CPLANE1: variants seen among roughly 807,000 people sequenced by gnomAD.
The protein encoded by CPLANE1 is ciliogenesis and planar polarity effector 1.
In CPLANE1, 263 loss-of-function variants were observed where a neutral mutation model predicts 362.5. That is an observed-to-expected ratio of 0.73 (90% CI 0.66 to 0.80). CPLANE1 has a LOEUF of 0.80. Ranked by LOEUF, CPLANE1 falls within the 30% of genes least tolerant of loss-of-function variation. CPLANE1 has a pLI of 0.00. For synonymous variants in CPLANE1, 1,212 were observed against 1,302.6 expected (o/e 0.93, Z 1.50); for missense variants, 3,461 against 3,793.4 (o/e 0.91, Z 2.30).
intron 19 of CPLANE1, 133 bp from the exon 20 acceptor site, chr5:37,198,999 A>AATTC: frequency 1.3e-6 from 1 of 757,808 alleles, no homozygotes; most frequent in Non-Finnish European, 2.1e-6. Context: ...TGGAAGGCTG[A>AATTC]AGCAGGAGGA....
At chr5:37,147,777 AC>A (rs1772118312) in intron 43 of CPLANE1, among the ~76,000 whole-genome samples, 1 of 151,920 alleles carries the variant, frequency 6.6e-6, no homozygotes, top group Non-Finnish European at 1.5e-5. Flanking sequence ...TTAATACCTC[AC>A]CACTGCCTGG....
chr5:37,182,221 G>T lies in CPLANE1; in HGVS notation c.5421+539C>A, dbSNP rs571672645. On this transcript the variant is annotated intron_variant, in intron 26 of 52. Transcript: ENST00000651892. ...TACACACACACACTCACATCCTTCA[G>T]CCTAGAATAAACTACTTCAGAATAA... Among the ~76,000 whole-genome samples, 12 of 151,992 alleles carry T rather than the reference G, an allele frequency of 7.9e-5. No individual in the cohort carries two copies. The East Asian group carries it at 2.3e-3, about 29-fold the overall frequency.
At chr5:37,190,025 A>T (rs543694352) in intron 21 of CPLANE1, among the ~76,000 whole-genome samples, 1 of 151,958 alleles carries the variant, frequency 6.6e-6, no homozygotes, top group East Asian at 1.9e-4. Flanking sequence ...AGAAAAGAAG[A>T]GTGCATTGCA....
At chr5:37,229,840 C>G (rs1222642509) in intron 9 of CPLANE1, among the ~76,000 whole-genome samples, 2 of 152,034 alleles carry the variant, frequency 1.3e-5, no homozygotes, top group Non-Finnish European at 2.9e-5. Context: ...GAAACTGAGG[C>G]TTAAAGAATA....
At chr5:37,206,138 G>C in intron 17 of CPLANE1, 59 bp downstream of exon 17, 1 of 1,110,258 alleles carries the variant, frequency 9.0e-7, no homozygotes, top group Non-Finnish European at 1.3e-6. Flanking sequence ...AGCAATAAGA[G>C]AAATATAAAA....
chr5:37,224,928 A>G (rs1796116059), intron 12 of CPLANE1, among the ~76,000 whole-genome samples, 188 bp from the exon 13 acceptor site: 1 of 149,604 alleles, frequency 6.7e-6, no homozygotes, highest in Non-Finnish European at 1.5e-5. Flanking sequence ...CTTCATAAAT[A>G]TTTTAAGCAC....
chr5:37,169,961 A>T, intron 33 of CPLANE1, 80 bp downstream of exon 33: 1 of 1,384,358 alleles, frequency 7.2e-7, no homozygotes, highest in Non-Finnish European at 1.0e-6. Context: ...TCCCAACCTC[A>T]GGTGTGGCCT....
At position 37,226,567 on chromosome 5, in the gene CPLANE1, T is replaced by C; in HGVS notation, c.2028A>G (p.Gln676=). 1.3e-6 allele frequency: 2 copies of C among 1,549,850 alleles called. No homozygotes were observed. Among genetic ancestry groups the C allele is most frequent in the African/African-American group, 1.4e-5 (1 of 73,112 alleles). Residue 676 remains glutamine (Q), a synonymous_variant, in exon 12 of 53, where the codon CAA becomes CAG. Transcript: ENST00000651892. Reference sequence around the variant, plus strand: ...GTTTCTCTGAGAATAACTGACCCTTTTGTTGCTGAGTCAGCAAAAGTTTTA... The same window carrying C: ...GTTTCTCTGAGAATAACTGACCCTTCTGTTGCTGAGTCAGCAAAAGTTTTA... ...NTVKLLLTQQ[Q]KGQLFSEKLL... is the part of the protein sequence containing the mutation.
chr5:37,133,907 G>A lies in CPLANE1; in HGVS notation c.8792+4813C>T, dbSNP rs189313757. On this transcript the variant is annotated intron_variant, in intron 46 of 52. Transcript: ENST00000651892. Reference sequence around the variant, plus strand: ...CCCGTTCAGTAAGATGTTGGCTGTGGGTTTGTCATAAATGGCTATTAATCA... The same window carrying A: ...CCCGTTCAGTAAGATGTTGGCTGTGAGTTTGTCATAAATGGCTATTAATCA... 5.5e-4 allele frequency among the ~76,000 whole-genome samples: 83 copies of A among 151,920 alleles called. 1 individual carries two copies. The highest frequency in any genetic ancestry group is 7.9e-4 in the Admixed American group (12 of 15,254).
chr5:37,103,728 A>G (rs1757408242), downstream of CPLANE1, among the ~76,000 whole-genome samples: 1 of 152,142 alleles, frequency 6.6e-6, no homozygotes, highest in Non-Finnish European at 1.5e-5. Flanking sequence ...GTTTCCACTG[A>G]GAGATATGAT....
intron 8 of CPLANE1, among the ~76,000 whole-genome samples, chr5:37,235,157 T>C (rs929488564): frequency 1.3e-5 from 2 of 152,138 alleles, no homozygotes; most frequent in Non-Finnish European, 2.9e-5. Flanking sequence ...AAGATGAATA[T>C]ACAGAAATCA....
chr5:37,119,843 C>T (rs1306919805), intron 50 of CPLANE1, among the ~76,000 whole-genome samples: 3 of 151,392 alleles, frequency 2.0e-5, no homozygotes, highest in Admixed American at 1.3e-4. Context: ...AAAAATTAGC[C>T]GGGCGTGGTG....
rs1163835747 is a variant in CPLANE1, at chr5:37,247,623, C to T, written c.76G>A (p.Gly26Arg). The change falls in exon 2 of 53, where the codon GGA (glycine) becomes AGA (arginine). Residue 26 changes from glycine (G) to arginine (R), a missense_variant. Transcript: ENST00000651892. ...ATGAATAAAGAAAAACCTACCTTTC[C>T]CAACCAGGAGACACGTGGCCATGGT... ...KKPWPRVSWL[G>R]KEKEAVFLLD... 2 of 1,550,064 alleles carry T rather than the reference C, an allele frequency of 1.3e-6. No individual in the cohort carries two copies. Among genetic ancestry groups the T allele is most frequent in the Non-Finnish European group, 8.7e-7 (1 of 1,146,222 alleles).
chr5:37,164,168 A>C (rs372206925), intron 37 of CPLANE1, 105 bp downstream of exon 37: 47 of 850,252 alleles, frequency 5.5e-5, no homozygotes, highest in South Asian at 2.6e-4. Flanking sequence ...ATTTGTAGTC[A>C]GCTGGGCAGA....
intron 20 of CPLANE1, among the ~76,000 whole-genome samples, chr5:37,197,155 A>T (rs1049182858): frequency 3.9e-5 from 6 of 152,144 alleles, no homozygotes; most frequent in African/African-American, 1.4e-4. Flanking sequence ...GAGCTTCTAC[A>T]GATAACAGGC....
rs1031936662 is a variant in CPLANE1, at chr5:37,235,349, T to C, written c.938+3508A>G. ...ATTATAAAACGCTGATAAGAGAAAT[T>C]GTAGATGACATAAACAAATGGAAAA... On this transcript the variant is annotated intron_variant, in intron 8 of 52. Coordinates refer to ENST00000651892, the MANE Select transcript of CPLANE1 (RefSeq NM_001384732.1). 5.3e-5 allele frequency among the ~76,000 whole-genome samples: 8 copies of C among 152,180 alleles called. No individual in the cohort carries two copies. In the East Asian group the frequency reaches 1.5e-3, roughly 29 times the overall value.
In CPLANE1 at chr5:37,107,604, A is replaced by G. The variant is rs1267447258; in HGVS notation, c.9754T>C (p.Ter3252GlnextTer22). ...GLSVHWALDL[*>Q] is the part of the protein sequence containing the mutation. ...GGAAACCCAATGATATCCAGGTCTT[A>G]CAGGTCCAGGGCCCAGTGGACAGAC... is the stretch of plus-strand genomic sequence containing the variant. Residue 3252 changes from the stop codon to glutamine, a stop_lost, in exon 53 of 53, where the codon TAA becomes CAA. Coordinates refer to ENST00000651892, the MANE Select transcript of CPLANE1 (RefSeq NM_001384732.1). 3.1e-6 allele frequency: 5 copies of G among 1,605,854 alleles called. No individual in the cohort carries two copies. The highest frequency in any genetic ancestry group is 1.1e-5 in the South Asian group (1 of 90,130).
Position 37,219,732 on chromosome 5 carries a change from GA to G in CPLANE1, c.2746+1591del, listed in dbSNP as rs771456140. The stretch of plus-strand genomic sequence containing the variant: ...ACAATAATGGGAAAAAGATTCAATA[GA>G]TTTTTTTAAGTTTATTGGCACTGGA... On this transcript the variant is annotated intron_variant, in intron 15 of 52. Transcript: ENST00000651892. 6.6e-5 allele frequency among the ~76,000 whole-genome samples: 10 copies of G among 151,992 alleles called. 1 individual carries two copies. The highest frequency in any genetic ancestry group is 1.7e-4 in the African/African-American group (7 of 41,456).
chr5:37,182,535 T>C (rs1782933562), intron 26 of CPLANE1, among the ~76,000 whole-genome samples: 1 of 152,222 alleles, frequency 6.6e-6, no homozygotes, highest in Non-Finnish European at 1.5e-5. Flanking sequence ...TTCTTTTTTA[T>C]AAATACACAT....
Sources: gnomAD v4.1 joint callset for allele counts (sites outside exome capture counted in the v4.1 genomes callset) on GRCh38, gnomAD v4.1.1 for gene constraint, MANE v1.5 for transcripts, NCBI Gene and HGNC (gene_info 2026-07-23, HGNC 2026-07-21) for gene names.